The following GABPA variants were observed in gnomAD, a reference collection of about 807,000 sequenced individuals.
GABPA encodes the protein GA binding protein transcription factor subunit alpha, also known as GA-binding protein alpha chain.
A neutral mutation model predicts 59.4 loss-of-function variants in GABPA; 4 were observed. The observed-to-expected ratio is 0.07, with a 90% confidence interval of 0.03 to 0.15. The LOEUF is 0.15. Ranked by LOEUF, GABPA falls within the 10% of genes least tolerant of loss-of-function variation. The pLI is 1.00. For synonymous variants in GABPA, 164 were observed against 183.1 expected (o/e 0.90, Z 0.84); for missense variants, 251 against 543.8 (o/e 0.46, Z 5.36).
In GABPA at chr21:25,735,131, C is replaced by A; in HGVS notation, c.-474C>A. 2 of 690,462 alleles carry A rather than the reference C, an allele frequency of 2.9e-6. No homozygotes were observed. The highest frequency in any genetic ancestry group is 4.4e-5 in the Admixed American group (2 of 45,878). 42.8% of individuals were successfully genotyped at this position (690,462 alleles called of 1,614,324 possible). A position where few individuals can be genotyped will look rare whatever the true frequency, so the allele number is the denominator to read the frequency against. ...CATCTTTTCTTCGCCTAATTTGACC[C>A]GTTCTTTTTCCCCTCCTTGAAACCT... On this transcript the variant is annotated 5_prime_UTR_variant, in exon 1 of 10. Transcript: ENST00000400075.
intron 5 of GABPA, among the ~76,000 whole-genome samples, chr21:25,753,040 T>G: frequency 6.6e-6 from 1 of 152,178 alleles, no homozygotes; most frequent in African/African-American, 2.4e-5. Context: ...TCTTGGTGAC[T>G]AAAACAGTAA....
chr21:25,760,098 G>C (rs1214889627), intron 6 of GABPA, among the ~76,000 whole-genome samples: 1 of 152,128 alleles, frequency 6.6e-6, no homozygotes, highest in East Asian at 1.9e-4. Context: ...AAGCAACAAA[G>C]TCCCACAGCC....
Position 25,764,251 on chromosome 21 carries a change from A to C in GABPA, c.844A>C (p.Thr282Pro). 1 of 1,611,336 alleles carries C rather than the reference A, an allele frequency of 6.2e-7. No homozygotes were observed. The highest frequency in any genetic ancestry group is 1.1e-5 in the South Asian group (1 of 90,930). ...AGCATCAGTGCAATCTGCTACACCT[A>C]CTACCATTAAAGTTATAAATAGTAG... ...IPASVQSATPTTIKVINSSAK... is the reference protein window; with the variant it reads ...IPASVQSATPPTIKVINSSAK... The change falls in exon 8 of 10, where the codon ACT becomes CCT. Residue 282 changes from threonine (T) to proline (P), a missense_variant. Transcript: ENST00000400075.
chr21:25,750,277 A>G (rs1480421828), intron 4 of GABPA, among the ~76,000 whole-genome samples: 1 of 152,208 alleles, frequency 6.6e-6, no homozygotes, highest in Non-Finnish European at 1.5e-5. Context: ...GTAAATACAG[A>G]TGAAACTTTA....
At chr21:25,747,716 T>C (rs1195002522) in intron 3 of GABPA, among the ~76,000 whole-genome samples, 2 of 152,210 alleles carry the variant, frequency 1.3e-5, no homozygotes, top group African/African-American at 2.4e-5. Context: ...TGGCTTTTAG[T>C]GAACTTGCTA....
chr21:25,752,143 C>T lies in GABPA; in HGVS notation c.462C>T (p.Thr154=). ...ITLDGTKHIT[T]ISDETSEQVT... ...TTGATGGCACAAAACACATCACAACCATTTCAGATGAAACTTCAGAACAAG... is the reference window on the plus strand; with the variant it reads ...TTGATGGCACAAAACACATCACAACTATTTCAGATGAAACTTCAGAACAAG... Residue 154 remains threonine (T), a synonymous_variant, in exon 5 of 10, where the codon ACC becomes ACT. Transcript: ENST00000400075. The T allele has an allele frequency of 6.2e-7, 1 of 1,609,372 alleles. No homozygotes were observed. Among genetic ancestry groups the T allele is most frequent in the Non-Finnish European group, 8.5e-7 (1 of 1,176,096 alleles).
intron 6 of GABPA, among the ~76,000 whole-genome samples, chr21:25,759,038 C>G (rs147545581): frequency 1.3e-5 from 2 of 152,166 alleles, no homozygotes; most frequent in East Asian, 3.9e-4. Flanking sequence ...CCACTACACT[C>G]CAGCATGGTG....
At chr21:25,744,029 C>A (rs546911606) in intron 2 of GABPA, among the ~76,000 whole-genome samples, 2 of 119,358 alleles carry the variant, frequency 1.7e-5, no homozygotes, top group Non-Finnish European at 3.2e-5. Context: ...AGGAACAGAG[C>A]GAGACTCTGT....
chr21:25,756,845 A>T (rs988562065), intron 5 of GABPA, among the ~76,000 whole-genome samples: 1 of 152,188 alleles, frequency 6.6e-6, no homozygotes, highest in African/African-American at 2.4e-5. Flanking sequence ...CAGAAAAATT[A>T]AAAAACTTTG....
intron 1 of GABPA, among the ~76,000 whole-genome samples, chr21:25,737,236 G>C (rs2035097092): frequency 6.6e-6 from 1 of 152,226 alleles, no homozygotes; most frequent in African/African-American, 2.4e-5. Flanking sequence ...GCAGCCCTTA[G>C]ACGGAGAAAC....
At chr21:25,765,653 G>A (rs1239097899) in intron 9 of GABPA, among the ~76,000 whole-genome samples, 4 of 151,766 alleles carry the variant, frequency 2.6e-5, no homozygotes, top group African/African-American at 9.7e-5. Flanking sequence ...GAGTTCATGA[G>A]TAACTAAAAT....
chr21:25,769,064 T>C lies in GABPA; in HGVS notation c.1197T>C (p.Phe399=), dbSNP rs768554321. ...KVQGKRFVYK[F]VCDLKTLIGY... Reference sequence around the variant, plus strand: ...AAGGCAAGAGATTTGTGTACAAGTTTGTCTGTGACTTGAAGACTCTTATTG... The same window carrying C: ...AAGGCAAGAGATTTGTGTACAAGTTCGTCTGTGACTTGAAGACTCTTATTG... Residue 399 remains phenylalanine (F), a synonymous_variant, in exon 10 of 10, where the codon TTT becomes TTC. Coordinates refer to ENST00000400075, the MANE Select transcript of GABPA (RefSeq NM_002040.4). The C allele has an allele frequency of 2.5e-6, 4 of 1,613,532 alleles. No individual in the cohort carries two copies. The Admixed American group carries it at 6.7e-5, about 27-fold the overall frequency.
At chr21:25,751,872 A>G (rs2035521748) in intron 4 of GABPA, 117 bp from the exon 5 acceptor site, 1 of 1,019,536 alleles carries the variant, frequency 9.8e-7, no homozygotes, top group Non-Finnish European at 1.4e-6. Flanking sequence ...CTTTTACTAC[A>G]TTTGCTTTAT....
intron 3 of GABPA, among the ~76,000 whole-genome samples, chr21:25,746,966 G>A: frequency 6.6e-6 from 1 of 152,076 alleles, no homozygotes; most frequent in East Asian, 1.9e-4. Flanking sequence ...GAGCTATATG[G>A]GCAAGGTACG....
intron 4 of GABPA, among the ~76,000 whole-genome samples, chr21:25,751,770 T>G (rs1000692298): frequency 6.6e-6 from 1 of 152,148 alleles, no homozygotes; most frequent in Admixed American, 6.5e-5. Flanking sequence ...GTGTGTCTTA[T>G]TTTTTATAAA....
intron 1 of GABPA, among the ~76,000 whole-genome samples, chr21:25,738,303 G>A (rs1443330339): frequency 6.6e-6 from 1 of 152,094 alleles, no homozygotes; most frequent in Non-Finnish European, 1.5e-5. Context: ...TTTGAATTTG[G>A]GCATTTCTTT....
chr21:25,745,691 GC>G (rs2035344068), intron 3 of GABPA, among the ~76,000 whole-genome samples: 1 of 152,090 alleles, frequency 6.6e-6, no homozygotes, highest in Non-Finnish European at 1.5e-5. Flanking sequence ...TGTATTTCTA[GC>G]CAGCTTTTAA....
intron 3 of GABPA, among the ~76,000 whole-genome samples, chr21:25,745,940 T>C (rs1432070575): frequency 6.6e-6 from 1 of 152,220 alleles, no homozygotes; most frequent in East Asian, 1.9e-4. Context: ...GGTAGCAGCC[T>C]AAATAGGATT....
intron 3 of GABPA, among the ~76,000 whole-genome samples, chr21:25,746,708 A>C (rs1045182135): frequency 1.3e-5 from 2 of 152,196 alleles, no homozygotes; most frequent in African/African-American, 4.8e-5. Flanking sequence ...TCTCTTAACA[A>C]TGAGAGGATG....
Sources: gnomAD v4.1 joint callset for allele counts (sites outside exome capture counted in the v4.1 genomes callset) on GRCh38, gnomAD v4.1.1 for gene constraint, MANE v1.5 for transcripts, NCBI Gene and HGNC (gene_info 2026-07-23, HGNC 2026-07-21) for gene names.